The following MED12L variants were observed in gnomAD, a reference collection of about 807,000 sequenced individuals.
The protein encoded by MED12L is mediator complex subunit 12L.
Under a neutral mutation model 281.3 loss-of-function variants are expected in MED12L, and 60 were observed. That is an observed-to-expected ratio of 0.21 (90% confidence interval 0.17 to 0.26). MED12L has a LOEUF of 0.26. MED12L is among the 10% of genes least tolerant of loss of function. The pLI, the probability that MED12L is intolerant of heterozygous loss-of-function variation, is 1.00. For synonymous variants in MED12L, 974 were observed against 987.2 expected, an observed-to-expected ratio of 0.99 and a Z score of 0.25; for missense variants, 2,146 against 2,680.9, an observed-to-expected ratio of 0.80 and a Z score of 4.41.
intron 11 of MED12L, among the ~76,000 whole-genome samples, chr3:151,182,296 GT>G (rs61220976): frequency 0.09 from 13,233 of 147,460 alleles, 1,294 homozygotes; most frequent in African/African-American, 0.24. Context: ...ATTAGAATGA[GT>G]TTTTTTTTTT....
Position 151,221,012 on chromosome 3 carries a change from C to T in MED12L, c.2250+27346C>T, listed in dbSNP as rs61621398. On this transcript the variant is annotated intron_variant, in intron 16 of 44. Transcript: ENST00000687756. ...CCCAAAATGCTGATAGTGATATGGA[C>T]GATAAAGTCCAGGGTGAGGTGGTCT... is the stretch of plus-strand genomic sequence containing the variant. Among the ~76,000 whole-genome samples the T allele has an allele frequency of 4.1e-3, 630 of 152,178 alleles. 3 individuals carry two copies. Among genetic ancestry groups the T allele is most frequent in the African/African-American group, 0.015 (604 of 41,502 alleles).
Position 151,355,753 on chromosome 3 carries a change from A to G in MED12L, c.2518-143A>G, listed in dbSNP as rs367554400. On this transcript the variant is annotated intron_variant, in intron 18 of 44. Coordinates refer to ENST00000687756, the MANE Select transcript of MED12L (RefSeq NM_001393769.1). ...TCATTTTCTTTGTACATAGTTTTAT[A>G]GTTTCTATAGAAACACGTTTTGACT... 136 of 620,456 alleles carry G rather than the reference A, an allele frequency of 2.2e-4. No homozygotes were observed. The South Asian group carries it at 2.4e-3, about 11-fold the overall frequency. 38.4% of individuals were successfully genotyped at this position (620,456 alleles called of 1,614,324 possible). A position where few individuals can be genotyped will look rare whatever the true frequency, so the allele number is the denominator to read the frequency against.
intron 5 of MED12L, among the ~76,000 whole-genome samples, chr3:151,155,677 A>C (rs973394839): frequency 1.6e-4 from 25 of 152,220 alleles, no homozygotes; most frequent in African/African-American, 6.0e-4. Context: ...GGCATATTTG[A>C]AATTCCATGT....
Position 151,227,957 on chromosome 3 carries a change from A to T in MED12L, c.2250+34291A>T, listed in dbSNP as rs190854058. Among the ~76,000 whole-genome samples, 7 of 152,280 alleles carry T rather than the reference A, an allele frequency of 4.6e-5. No homozygotes were observed. The East Asian group carries it at 1.4e-3, about 29-fold the overall frequency. On this transcript the variant is annotated intron_variant, in intron 16 of 44. Transcript: ENST00000687756. ...TGTGCAACCAGCCACGTCCCCACAC[A>T]TTTCTAAATTTTCTTGAGAACCACT...
chr3:151,311,200 T>C (rs899314092), intron 16 of MED12L, among the ~76,000 whole-genome samples: 2 of 152,120 alleles, frequency 1.3e-5, no homozygotes, highest in African/African-American at 2.4e-5. Flanking sequence ...CTGTGAAGGA[T>C]TGAGTACATT....
At chr3:151,369,027 C>G (rs1169770502) in intron 25 of MED12L, among the ~76,000 whole-genome samples, 1 of 152,136 alleles carries the variant, frequency 6.6e-6, no homozygotes, top group Non-Finnish European at 1.5e-5. Flanking sequence ...TCCCAAAGTG[C>G]TGGGATTACA....
chr3:151,248,378 C>G (rs116293986), intron 16 of MED12L, among the ~76,000 whole-genome samples: 1,642 of 152,218 alleles, frequency 0.011, 16 homozygotes, highest in Middle Eastern at 0.017. Context: ...AAGTATTTCA[C>G]CTTTGGTTTC....
chr3:151,164,965 C>CA (rs1445881564), intron 9 of MED12L, among the ~76,000 whole-genome samples: 2 of 151,582 alleles, frequency 1.3e-5, no homozygotes, highest in Admixed American at 6.6e-5. Context: ...AACAAACCTG[C>CA]ACATTGTGCA....
At chr3:151,312,758 T>G (rs1434579117) in intron 16 of MED12L, among the ~76,000 whole-genome samples, 1 of 152,218 alleles carries the variant, frequency 6.6e-6, no homozygotes, top group Non-Finnish European at 1.5e-5. Flanking sequence ...TATATTTTAA[T>G]TTATTAAAAG....
intron 16 of MED12L, among the ~76,000 whole-genome samples, chr3:151,256,284 A>G (rs1401402540): frequency 1.3e-5 from 2 of 152,194 alleles, no homozygotes; most frequent in Non-Finnish European, 2.9e-5. Context: ...AACTCAAACT[A>G]TTACGGATGG....
chr3:151,088,563 C>T lies in MED12L; in HGVS notation c.99+1538C>T, dbSNP rs186388990. On this transcript the variant is annotated intron_variant, in intron 2 of 44. Transcript: ENST00000687756. ...TTCCAGAGGGCAGCATAATTGATGG[C>T]ATGATGGCTTGGGGTGCTGTGTGGG... Among the ~76,000 whole-genome samples, 234 of 152,276 alleles carry T rather than the reference C, an allele frequency of 1.5e-3. 3 individuals are homozygous for T. The highest frequency in any genetic ancestry group is 0.014 in the Admixed American group (214 of 15,296).
At chr3:151,133,889 T>C (rs1196514416) in intron 5 of MED12L, among the ~76,000 whole-genome samples, 1 of 152,228 alleles carries the variant, frequency 6.6e-6, no homozygotes, top group East Asian at 1.9e-4. Flanking sequence ...TTAGGAAATA[T>C]GACTTTATAG....
At chr3:151,254,872 A>G (rs1350917486) in intron 16 of MED12L, among the ~76,000 whole-genome samples, 1 of 152,196 alleles carries the variant, frequency 6.6e-6, no homozygotes, top group East Asian at 1.9e-4. Context: ...CATACATGAT[A>G]TATATACACA....
At chr3:151,273,794 C>T (rs1214889519) in intron 16 of MED12L, among the ~76,000 whole-genome samples, 1 of 152,106 alleles carries the variant, frequency 6.6e-6, no homozygotes, top group African/African-American at 2.4e-5. Context: ...AAGGCATATA[C>T]CATTTCTTAA....
intron 16 of MED12L, among the ~76,000 whole-genome samples, chr3:151,336,338 T>A (rs994633296): frequency 1.3e-5 from 2 of 152,180 alleles, no homozygotes; most frequent in African/African-American, 4.8e-5. Flanking sequence ...GAGAAAGAAA[T>A]GTGGCTGGTT....
chr3:151,158,772 T>G lies in MED12L; in HGVS notation c.810T>G (p.Leu270=), dbSNP rs754739506. ...EKIRPMDDDL[L]KLLLPLMLQY... ...TCAGACCAATGGATGATGATCTTCT[T>G]AAACTCTTGCTACCACTAATGCTGC... is the stretch of plus-strand genomic sequence containing the variant. Residue 270 remains leucine, a synonymous_variant, in exon 7 of 45, where the codon CTT becomes CTG. Coordinates refer to ENST00000687756, the MANE Select transcript of MED12L (RefSeq NM_001393769.1). 1.2e-6 allele frequency: 2 copies of G among 1,612,492 alleles called. No homozygotes were observed. The highest frequency in any genetic ancestry group is 1.7e-4 in the Middle Eastern group (1 of 6,056).
intron 24 of MED12L, 139 bp downstream of exon 24, chr3:151,367,905 GA>G (rs1755485038): frequency 3.9e-6 from 4 of 1,029,772 alleles, no homozygotes; most frequent in Non-Finnish European, 5.7e-6. Context: ...AGATATGGTA[GA>G]ATTTTAATAG....
intron 5 of MED12L, among the ~76,000 whole-genome samples, chr3:151,153,564 CTTTTTTTTTTTT>C (rs1177653143): frequency 3.2e-5 from 3 of 94,288 alleles, no homozygotes; most frequent in Non-Finnish European, 5.9e-5. Context: ...TGTTTTCTTT[CTTTTTTTTTTTT>C]TTTTTTTTTT....
intron 16 of MED12L, among the ~76,000 whole-genome samples, chr3:151,269,220 C>T (rs1357536234): frequency 7.9e-5 from 12 of 152,074 alleles, no homozygotes; most frequent in Non-Finnish European, 5.9e-5. Flanking sequence ...GACCAACATG[C>T]AGAAACCCCA....
Sources: gnomAD v4.1 joint callset for allele counts (sites outside exome capture counted in the v4.1 genomes callset) on GRCh38, gnomAD v4.1.1 for gene constraint, MANE v1.5 for transcripts, NCBI Gene and HGNC (gene_info 2026-07-23, HGNC 2026-07-21) for gene names.